The following MYOM2 variants were observed in gnomAD, a reference collection of about 807,000 sequenced individuals.
MYOM2 encodes myomesin 2.
In MYOM2, 254 loss-of-function variants were observed where a neutral mutation model predicts 187.6. That is an observed-to-expected ratio of 1.35 (90% CI 1.22 to 1.50). The LOEUF (loss-of-function observed/expected upper bound fraction) is 1.50. Among genes scored for constraint, MYOM2 ranks in the 40% most tolerant of loss-of-function variants. MYOM2 has a pLI of 0.00. For synonymous variants in MYOM2, 981 were observed against 753.8 expected (o/e 1.30, Z -4.94); for missense variants, 2,796 against 1,924.0 (o/e 1.45, Z -8.48).
intron 26 of MYOM2, 37 bp from the exon 27 acceptor site, chr8:2,116,179 C>T (rs566227122): frequency 1.3e-6 from 2 of 1,599,984 alleles, no homozygotes; most frequent in Non-Finnish European, 1.7e-6. Context: ...GAGAAGCAAA[C>T]ATGTTTCATA....
At chr8:2,117,550 A>G (rs1200016293) in intron 27 of MYOM2, among the ~76,000 whole-genome samples, 1 of 152,190 alleles carries the variant, frequency 6.6e-6, no homozygotes, top group East Asian at 1.9e-4. Flanking sequence ...AACAAAATAT[A>G]ATTATTTCAA....
rs556909286 is a variant in MYOM2, at chr8:2,077,829, C to T, written c.1263-905C>T. ...TGGGGGGTGCAGCTCCTCCTCTGCC[C>T]TTCCTTTGGGCTTACGACTTGCCAG... is the stretch of plus-strand genomic sequence containing the variant. On this transcript the variant is annotated intron_variant, in intron 11 of 36. Coordinates refer to ENST00000262113, the MANE Select transcript of MYOM2 (RefSeq NM_003970.4). 5.8e-4 allele frequency among the ~76,000 whole-genome samples: 88 copies of T among 152,364 alleles called. 2 individuals are homozygous for T. The highest frequency in any genetic ancestry group is 2.0e-3 in the African/African-American group (82 of 41,586).
chr8:2,059,787 G>C (rs1818791626), intron 6 of MYOM2, among the ~76,000 whole-genome samples: 2 of 143,620 alleles, frequency 1.4e-5, no homozygotes, highest in East Asian at 2.0e-4. Context: ...TTGTTGCCCA[G>C]GCTGGAGTGC....
intron 13 of MYOM2, among the ~76,000 whole-genome samples, chr8:2,083,562 G>A (rs1023050981): frequency 5.3e-5 from 8 of 152,148 alleles, no homozygotes; most frequent in Non-Finnish European, 8.8e-5. Flanking sequence ...GGTGTCTCTC[G>A]TGTGCTCAGC....
intron 16 of MYOM2, among the ~76,000 whole-genome samples, chr8:2,093,502 C>G (rs1158727513): frequency 6.6e-6 from 1 of 152,080 alleles, no homozygotes; most frequent in Non-Finnish European, 1.5e-5. Context: ...AATAGAAAAA[C>G]AAAGTCTTAC....
chr8:2,142,295 C>T (rs1289240914), intron 34 of MYOM2, 80 bp from the exon 35 acceptor site: 1 of 1,360,574 alleles, frequency 7.3e-7, no homozygotes, highest in Non-Finnish European at 1.1e-6. Flanking sequence ...GCTAGTGAGC[C>T]TCTCAGCTGT....
At chr8:2,090,471 A>T (rs997081995) in intron 15 of MYOM2, among the ~76,000 whole-genome samples, 1 of 152,190 alleles carries the variant, frequency 6.6e-6, no homozygotes, top group Admixed American at 6.5e-5. Context: ...TAAACTTTTA[A>T]AAAAACTTTT....
chr8:2,089,619 A>C (rs999717451), intron 14 of MYOM2, among the ~76,000 whole-genome samples: 3 of 152,228 alleles, frequency 2.0e-5, no homozygotes, highest in Middle Eastern at 3.2e-3. Flanking sequence ...AATAACTTTA[A>C]ATTGAAATGC....
In MYOM2 at chr8:2,073,362, T is replaced by G; in HGVS notation, c.982T>G (p.Trp328Gly). The part of the protein sequence containing the change: ...RDDVLLKESK[W>G]TKMFFGEGQA... ...AGACGTGCTGTTGAAAGAGTCCAAGTGGACGAAGATGTTCTTTGGAGAAGG... is the reference window on the plus strand; with the variant it reads ...AGACGTGCTGTTGAAAGAGTCCAAGGGGACGAAGATGTTCTTTGGAGAAGG... Residue 328 changes from tryptophan (W) to glycine (G), a missense_variant, in exon 10 of 37, where the codon TGG becomes GGG. Transcript: ENST00000262113. The G allele has an allele frequency of 1.2e-6, 2 of 1,611,722 alleles. No homozygotes were observed. Among genetic ancestry groups the G allele is most frequent in the Non-Finnish European group, 1.7e-6 (2 of 1,178,700 alleles).
intron 13 of MYOM2, 137 bp from the exon 14 acceptor site, chr8:2,085,125 TG>T: frequency 1.0e-6 from 1 of 990,670 alleles, no homozygotes; most frequent in African/African-American, 1.6e-5. Flanking sequence ...GAAGCATCTT[TG>T]GGGTTTGTTT....
chr8:2,057,703 A>G lies in MYOM2; in HGVS notation c.483A>G (p.Arg161=). The G allele has an allele frequency of 1.9e-6, 3 of 1,614,088 alleles. No homozygotes were observed. The highest frequency in any genetic ancestry group is 1.7e-5 in the Admixed American group (1 of 60,018). ...CTCCTGAGATCCTGGTGCGGCTGCG[A>G]TCCCACACCGTCTGGGAGAGGATGT... ...SRAPEILVRL[R]SHTVWERMSV... is the part of the protein sequence containing the mutation. Residue 161 remains arginine (R), a synonymous_variant, in exon 5 of 37, where the codon CGA becomes CGG. Coordinates refer to ENST00000262113, the MANE Select transcript of MYOM2 (RefSeq NM_003970.4).
At position 2,060,786 on chromosome 8, in the gene MYOM2, T is replaced by C. The variant is rs1036924305; in HGVS notation, c.653+1541T>C. Among the ~76,000 whole-genome samples the C allele has an allele frequency of 2.7e-4, 41 of 151,922 alleles. 1 individual carries two copies. Among genetic ancestry groups the C allele is most frequent in the African/African-American group, 9.7e-4 (40 of 41,360 alleles). On this transcript the variant is annotated intron_variant, in intron 6 of 36. Transcript: ENST00000262113. ...TTTAAAGCTTTTATACATTGGATCC[T>C]GTTAAAAAGTTATCCTGACACTCGT...
intron 15 of MYOM2, among the ~76,000 whole-genome samples, chr8:2,091,798 T>C (rs1034326152): frequency 1.3e-5 from 2 of 152,176 alleles, no homozygotes; most frequent in South Asian, 4.1e-4. Flanking sequence ...TGAGACACAC[T>C]GTGGGGTGTG....
At chr8:2,078,628 T>TA (rs1385743096) in intron 11 of MYOM2, 106 bp from the exon 12 acceptor site, 5 of 1,009,194 alleles carry the variant, frequency 5.0e-6, no homozygotes, top group African/African-American at 1.6e-5. Context: ...TGGCGTGAGA[T>TA]ATTGTCCTGT....
intron 1 of MYOM2, among the ~76,000 whole-genome samples, chr8:2,048,249 G>A (rs926942870): frequency 6.6e-6 from 1 of 152,232 alleles, no homozygotes; most frequent in Non-Finnish European, 1.5e-5. Flanking sequence ...GCTGATCCCA[G>A]AAGAACCTTG....
At chr8:2,124,071 T>A in intron 30 of MYOM2, 108 bp from the exon 31 acceptor site, 3 of 1,126,978 alleles carry the variant, frequency 2.7e-6, no homozygotes, top group East Asian at 2.6e-5. Context: ...ATGATTCATT[T>A]TTCAACTGAA....
intron 28 of MYOM2, among the ~76,000 whole-genome samples, chr8:2,120,638 A>G (rs1316536314): frequency 1.3e-5 from 1 of 77,104 alleles, no homozygotes. Context: ...ATTGGTAATT[A>G]ATTTGCAATT....
At chr8:2,089,008 C>G (rs140309791) in intron 14 of MYOM2, among the ~76,000 whole-genome samples, 3,238 of 152,150 alleles carry the variant, frequency 0.021, 48 homozygotes, top group South Asian at 0.037. Context: ...GGGCTCCCAC[C>G]ACAAACGCCC....
At chr8:2,077,015 A>C (rs11995910) in intron 11 of MYOM2, among the ~76,000 whole-genome samples, 2 of 152,292 alleles carry the variant, frequency 1.3e-5, no homozygotes, top group South Asian at 2.1e-4. Flanking sequence ...ACAGAGAGTA[A>C]AAGAGGATGG....
Sources: allele counts gnomAD v4.1 joint callset (sites outside exome capture counted in the v4.1 genomes callset), GRCh38; gene constraint gnomAD v4.1.1; transcripts MANE v1.5; gene names NCBI Gene and HGNC (gene_info 2026-07-23, HGNC 2026-07-21).